Variants in CDHR3 observed in about 807,000 individuals in gnomAD.
The protein encoded by CDHR3 is cadherin-related family member 3.
A neutral mutation model predicts 86.6 loss-of-function variants in CDHR3; 79 were observed. The ratio of observed to expected loss-of-function variants is 0.91; its 90% CI spans 0.76 to 1.10. The LOEUF (loss-of-function observed/expected upper bound fraction) is 1.10, where lower values mean the gene tolerates loss of function less well. Ranked by LOEUF, CDHR3 falls within the 50% of genes least tolerant of loss-of-function variation. The pLI is 0.00. For missense variants in CDHR3, 1,081 were observed against 1,077.6 expected, an observed-to-expected ratio of 1.00 and a Z score of -0.04; for synonymous variants, 421 against 402.4, an observed-to-expected ratio of 1.05 and a Z score of -0.55.
intron 12 of CDHR3, among the ~76,000 whole-genome samples, chr7:106,019,425 C>T (rs746966840): frequency 3.3e-5 from 5 of 151,034 alleles, no homozygotes; most frequent in Non-Finnish European, 7.4e-5. Flanking sequence ...ATGGACTCCA[C>T]TCTGGGGGCT....
rs1835924178 is a variant in CDHR3 at position 106,017,998 on chromosome 7, G to C, written c.1579G>C (p.Val527Leu). 1 of 1,613,836 alleles carries C rather than the reference G, an allele frequency of 6.2e-7. No homozygotes were observed. The highest frequency in any genetic ancestry group is 8.5e-7 in the Non-Finnish European group (1 of 1,179,894). The change falls in exon 12 of 19, where the codon GTG becomes CTG. Residue 527 changes from valine to leucine, a missense_variant. Val to Leu is a conservative substitution (Grantham distance 32). Coordinates refer to ENST00000317716, the MANE Select transcript of CDHR3 (RefSeq NM_152750.5). ...KTGELQLVTK[V>L]DCETTPIYIL... ...AGGAGAACTCCAGCTGGTAACTAAA[G>C]TGGACTGTGAAACAACCCCCATCTA...
chr7:106,029,897 T>C (rs969953027), intron 17 of CDHR3, among the ~76,000 whole-genome samples: 4 of 152,222 alleles, frequency 2.6e-5, no homozygotes, highest in Admixed American at 1.3e-4. Context: ...TCTAGAACTA[T>C]GTAATATTAA....
At chr7:105,989,831 T>C (rs936784966) in intron 4 of CDHR3, among the ~76,000 whole-genome samples, 1 of 152,180 alleles carries the variant, frequency 6.6e-6, no homozygotes, top group African/African-American at 2.4e-5. Flanking sequence ...ACTGGCTTCC[T>C]ACCCCTTGCT....
chr7:106,002,648 G>A (rs1213471800), intron 7 of CDHR3, among the ~76,000 whole-genome samples: 1 of 152,076 alleles, frequency 6.6e-6, no homozygotes, highest in East Asian at 1.9e-4. Context: ...TTATCCTGAG[G>A]GTTCCCTGAA....
At chr7:106,020,739 C>T (rs1836441560) in intron 13 of CDHR3, among the ~76,000 whole-genome samples, 195 bp downstream of exon 13, 1 of 152,180 alleles carries the variant, frequency 6.6e-6, no homozygotes, top group African/African-American at 2.4e-5. Flanking sequence ...TCCTCCTGCT[C>T]AGCCTCCCAA....
chr7:105,976,229 GTGTACAC>G (rs1389731583), intron 2 of CDHR3, among the ~76,000 whole-genome samples: 1 of 152,198 alleles, frequency 6.6e-6, no homozygotes, highest in African/African-American at 2.4e-5. Flanking sequence ...AGAGCACGTT[GTGTACAC>G]TGGGTACTGT....
At chr7:106,025,496 T>C (rs1320709146) in intron 15 of CDHR3, among the ~76,000 whole-genome samples, 1 of 152,234 alleles carries the variant, frequency 6.6e-6, no homozygotes, top group Non-Finnish European at 1.5e-5. Context: ...AAATCTTGTT[T>C]CATTATTCTT....
intron 11 of CDHR3, among the ~76,000 whole-genome samples, chr7:106,017,519 A>C (rs1293668281): frequency 6.6e-6 from 1 of 150,878 alleles, no homozygotes; most frequent in Non-Finnish European, 1.5e-5. Flanking sequence ...AGATCGCACC[A>C]CTGCACTCCA....
Position 106,033,837 on chromosome 7 carries a change from G to T in CDHR3, c.*1140G>T, listed in dbSNP as rs1838694437. Reference sequence around the variant, plus strand: ...CTCACTTTTTTGCTCATATATCTAAGAGTGGGATTGCTGGAGCAATTGCTG... The same window carrying T: ...CTCACTTTTTTGCTCATATATCTAATAGTGGGATTGCTGGAGCAATTGCTG... On this transcript the variant is annotated 3_prime_UTR_variant, in exon 19 of 19. Coordinates refer to ENST00000317716, the MANE Select transcript of CDHR3 (RefSeq NM_152750.5). 1 of 152,206 alleles carries T rather than the reference G, an allele frequency of 6.6e-6. No homozygotes were observed. The highest frequency in any genetic ancestry group is 6.5e-5 in the Admixed American group (1 of 15,286). The allele number at this position is 152,206 out of a possible 1,614,324, so 9.4% of individuals were successfully genotyped here.
chr7:106,008,448 T>C (rs1834282509), intron 8 of CDHR3, among the ~76,000 whole-genome samples: 1 of 152,272 alleles, frequency 6.6e-6, no homozygotes, highest in East Asian at 1.9e-4. Flanking sequence ...TATTGCACCA[T>C]CTGATGAGAT....
intron 12 of CDHR3, 108 bp downstream of exon 12, chr7:106,018,180 A>C: frequency 1.3e-6 from 1 of 771,690 alleles, no homozygotes; most frequent in Admixed American, 2.6e-5. Flanking sequence ...CCCAGGGTAC[A>C]TCCTGCGGAT....
intron 18 of CDHR3, among the ~76,000 whole-genome samples, chr7:106,031,508 A>G (rs1185283688): frequency 6.6e-6 from 1 of 152,172 alleles, no homozygotes; most frequent in Non-Finnish European, 1.5e-5. Context: ...CCACCCTCAT[A>G]TGCAAACGGC....
At chr7:106,015,237 C>G in intron 10 of CDHR3, 24 bp downstream of exon 10, 1 of 1,566,634 alleles carries the variant, frequency 6.4e-7, no homozygotes, top group South Asian at 1.2e-5. Context: ...TGTTTTATTT[C>G]ATGATTGTCT....
intron 1 of CDHR3, among the ~76,000 whole-genome samples, chr7:105,974,542 G>T (rs1440102042): frequency 3.3e-5 from 5 of 152,246 alleles, no homozygotes; most frequent in East Asian, 1.9e-4. Flanking sequence ...CTCTTTCCCT[G>T]CTCTTCCCAA....
At position 105,980,979 on chromosome 7, in the gene CDHR3, T is replaced by C; in HGVS notation, c.261T>C (p.Thr87=). ...GCATTTTGTTTTAGGTTGTCACCAC[T>C]GGGATGGAACAACTAGATTTTGAAA... ...LSGTYFEVVT[T]GMEQLDFETG... is the part of the protein sequence containing the mutation. The change falls in exon 3 of 19, where the codon ACT becomes ACC. Residue 87 remains threonine (T), a synonymous_variant. Transcript: ENST00000317716. The C allele has an allele frequency of 6.2e-7, 1 of 1,607,626 alleles. No homozygotes were observed. Among genetic ancestry groups the C allele is most frequent in the Non-Finnish European group, 8.5e-7 (1 of 1,176,856 alleles).
rs1382439322 is a variant in CDHR3 at position 106,034,054 on chromosome 7, C to T, written c.*1357C>T. ...AGCTGAAACACCATCAGCCTTACAA[C>T]CTACCTGCCTTGCTCCTTCCCACTT... On this transcript the variant is annotated 3_prime_UTR_variant, in exon 19 of 19. Transcript: ENST00000317716. Among the ~76,000 whole-genome samples the T allele has an allele frequency of 6.6e-6, 1 of 152,348 alleles. No homozygotes were observed. Among genetic ancestry groups the T allele is most frequent in the Admixed American group, 6.5e-5 (1 of 15,302 alleles).
chr7:106,028,478 G>A (rs532208849), intron 16 of CDHR3, 73 bp from the exon 17 acceptor site: 195 of 1,523,370 alleles, frequency 1.3e-4, no homozygotes, highest in African/African-American at 2.5e-4. Flanking sequence ...GGGAAATACC[G>A]TTGTGGAGGT....
Position 106,034,560 on chromosome 7 carries a change from C to T in CDHR3, c.*1863C>T, listed in dbSNP as rs1838755543. Among the ~76,000 whole-genome samples the T allele has an allele frequency of 6.6e-6, 1 of 152,206 alleles. No homozygotes were observed. The highest frequency in any genetic ancestry group is 2.4e-5 in the African/African-American group (1 of 41,448). On this transcript the variant is annotated 3_prime_UTR_variant, in exon 19 of 19. Transcript: ENST00000317716. ...TGATTTATTAATAAGGGTTGGTTGC[C>T]AGGGAACTCCCTTGAATGGATTTAA...
rs750959668 is a variant in CDHR3, at chr7:106,001,511, G to T, written c.763G>T (p.Val255Leu). The T allele has an allele frequency of 6.2e-7, 1 of 1,613,982 alleles. No individual in the cohort carries two copies. Among genetic ancestry groups the T allele is most frequent in the South Asian group, 1.1e-5 (1 of 91,084 alleles). The change falls in exon 7 of 19, where the codon GTG becomes TTG. Residue 255 changes from valine to leucine, a missense_variant. Transcript: ENST00000317716. ...VLEELSPGTI[V>L]ANITAEDPDD... ...GGAGGAACTGAGTCCAGGAACCATC[G>T]TGGCCAATATCACAGCGGAGGATCC...
Sources: gnomAD v4.1 joint callset for allele counts (sites outside exome capture counted in the v4.1 genomes callset) on GRCh38, gnomAD v4.1.1 for gene constraint, MANE v1.5 for transcripts, NCBI Gene and HGNC (gene_info 2026-07-23, HGNC 2026-07-21) for gene names.